CHL1: variants seen among roughly 807,000 people sequenced by gnomAD.
CHL1 encodes neural cell adhesion molecule L1-like protein.
A neutral mutation model predicts 141.9 loss-of-function variants in CHL1; 96 were observed. The ratio of observed to expected loss-of-function variants is 0.68; its 90% confidence interval spans 0.57 to 0.80. CHL1 has a LOEUF of 0.80. Among genes scored for constraint, CHL1 ranks in the 30% least tolerant of loss-of-function variants. The pLI is 0.00. For missense variants in CHL1, 1,820 were observed against 1,457.2 expected (o/e 1.25, Z -4.05); for synonymous variants, 613 against 502.2 (o/e 1.22, Z -2.95).
intron 5 of CHL1, 69 bp from the exon 6 acceptor site, chr3:340,725 A>G (rs1248454536): frequency 1.6e-6 from 2 of 1,277,128 alleles, no homozygotes; most frequent in Middle Eastern, 1.9e-4. Context: ...AAAAGAACAT[A>G]TTAAGATATT....
chr3:371,133 G>C (rs1705573750), intron 15 of CHL1, among the ~76,000 whole-genome samples: 1 of 152,152 alleles, frequency 6.6e-6, no homozygotes, highest in South Asian at 2.1e-4. Context: ...TTGGTCCAGA[G>C]CTGGGTTCAA....
rs1483135656 is a variant in CHL1 at position 382,382 on chromosome 3, T to C, written c.1979-92T>C. 9 of 1,463,630 alleles carry C rather than the reference T, an allele frequency of 6.1e-6. No individual in the cohort carries two copies. The South Asian group carries it at 9.3e-5, about 15-fold the overall frequency. 90.7% of individuals were successfully genotyped at this position (1,463,630 alleles called of 1,614,324 possible). On this transcript the variant is annotated intron_variant, in intron 17 of 27. Coordinates refer to ENST00000256509, the MANE Select transcript of CHL1 (RefSeq NM_006614.4). Reference sequence around the variant, plus strand: ...TTACTGGTTTATTCTTCTTATAACATCCTTTTGAACTTTTAATATTGAGTA... The same window carrying C: ...TTACTGGTTTATTCTTCTTATAACACCCTTTTGAACTTTTAATATTGAGTA...
At chr3:362,588 A>G (rs1221316386) in intron 13 of CHL1, among the ~76,000 whole-genome samples, 4 of 151,680 alleles carry the variant, frequency 2.6e-5, no homozygotes, top group South Asian at 4.2e-4. Flanking sequence ...CCTGTCCTGT[A>G]TGATCCTACA....
chr3:340,158 C>T (rs921211754), intron 5 of CHL1, among the ~76,000 whole-genome samples: 2 of 152,084 alleles, frequency 1.3e-5, no homozygotes, highest in Non-Finnish European at 2.9e-5. Flanking sequence ...GGGGAGGAAA[C>T]AATAGGTTGA....
intron 2 of CHL1, among the ~76,000 whole-genome samples, chr3:286,623 A>G (rs961139285): frequency 6.6e-6 from 1 of 151,916 alleles, no homozygotes; most frequent in Non-Finnish European, 1.5e-5. Flanking sequence ...AAAAAAAAAA[A>G]AAAAATTAAA....
At chr3:223,819 A>G (rs1254360587) in intron 1 of CHL1, among the ~76,000 whole-genome samples, 2 of 152,126 alleles carry the variant, frequency 1.3e-5, no homozygotes, top group African/African-American at 4.8e-5. Flanking sequence ...GGAAATGCTG[A>G]TAGGTTGGGG....
chr3:243,738 A>G (rs760592590), intron 1 of CHL1, among the ~76,000 whole-genome samples: 2 of 152,144 alleles, frequency 1.3e-5, no homozygotes, highest in Non-Finnish European at 2.9e-5. Flanking sequence ...TCCTTTTCTT[A>G]GGGCCAAAGA....
intron 1 of CHL1, among the ~76,000 whole-genome samples, chr3:199,118 G>A (rs1410687868): frequency 6.6e-6 from 1 of 152,254 alleles, no homozygotes; most frequent in Non-Finnish European, 1.5e-5. Context: ...CGTGGTTACA[G>A]AGCCTATGTA....
intron 26 of CHL1, among the ~76,000 whole-genome samples, chr3:400,196 A>T (rs116532213): frequency 0.01 from 1,524 of 152,348 alleles, 13 homozygotes; most frequent in Middle Eastern, 0.031. Flanking sequence ...TGATTTATCT[A>T]GCAAATATTT....
At chr3:353,370 A>G (rs111925492) in intron 10 of CHL1, among the ~76,000 whole-genome samples, 196 of 152,346 alleles carry the variant, frequency 1.3e-3, no homozygotes, top group African/African-American at 3.1e-3. Context: ...AAGTAAGGAT[A>G]TCATTAAAAA....
chr3:220,054 G>C (rs1337992681), intron 1 of CHL1, among the ~76,000 whole-genome samples: 2 of 152,110 alleles, frequency 1.3e-5, no homozygotes, highest in Non-Finnish European at 2.9e-5. Context: ...CATTATGCTA[G>C]GTGAAAGAAA....
At chr3:365,804 T>G (rs888096324) in intron 14 of CHL1, 146 bp from the exon 15 acceptor site, 78 of 588,146 alleles carry the variant, frequency 1.3e-4, no homozygotes, top group Non-Finnish European at 4.3e-5. Flanking sequence ...AATAATGACA[T>G]ACAATGTTAG....
chr3:227,314 GT>G (rs1330361481), intron 1 of CHL1, among the ~76,000 whole-genome samples: 2 of 152,208 alleles, frequency 1.3e-5, no homozygotes, highest in Non-Finnish European at 2.9e-5. Flanking sequence ...GAAATCCAAA[GT>G]TGGGGTCTAG....
At position 225,412 on chromosome 3, in the gene CHL1, T is replaced by C. The variant is rs904563863; in HGVS notation, c.-174-19201T>C. 1.1e-4 allele frequency among the ~76,000 whole-genome samples: 16 copies of C among 152,318 alleles called. 1 individual carries two copies. The East Asian group carries it at 3.1e-3, about 29-fold the overall frequency. On this transcript the variant is annotated intron_variant, in intron 1 of 27. Transcript: ENST00000256509. ...AGAGTTATATAGCATATTTAAACATTTTGAAGTTTGAAAATGCATACAAAT... is the reference window on the plus strand; with the variant it reads ...AGAGTTATATAGCATATTTAAACATCTTGAAGTTTGAAAATGCATACAAAT...
intron 15 of CHL1, among the ~76,000 whole-genome samples, chr3:367,490 A>T (rs1355220003): frequency 6.6e-6 from 1 of 152,212 alleles, no homozygotes; most frequent in African/African-American, 2.4e-5. Context: ...AGTTTGAATT[A>T]AAAGTATTAA....
At chr3:234,794 G>T (rs1222755580) in intron 1 of CHL1, among the ~76,000 whole-genome samples, 1 of 152,100 alleles carries the variant, frequency 6.6e-6, no homozygotes, top group East Asian at 1.9e-4. Context: ...TGCCTTGAGT[G>T]CAGTGCCAGA....
chr3:363,174 T>C (rs568867706), intron 13 of CHL1, 43 bp from the exon 14 acceptor site: 3 of 1,563,738 alleles, frequency 1.9e-6, no homozygotes, highest in Non-Finnish European at 2.6e-6. Context: ...GCGTATACAA[T>C]TTTGCCCTAC....
intron 2 of CHL1, among the ~76,000 whole-genome samples, chr3:313,551 C>G (rs912679774): frequency 6.6e-6 from 1 of 151,934 alleles, no homozygotes; most frequent in Non-Finnish European, 1.5e-5. Context: ...GACATCATGA[C>G]TGTTAGGTGA....
At chr3:236,863 A>T (rs868167005) in intron 1 of CHL1, among the ~76,000 whole-genome samples, 4 of 142,158 alleles carry the variant, frequency 2.8e-5, no homozygotes, top group East Asian at 4.0e-4. Context: ...GAGAGTTTTT[A>T]AAAAATAATC....
Sources: allele counts gnomAD v4.1 joint callset (sites outside exome capture counted in the v4.1 genomes callset), GRCh38; gene constraint gnomAD v4.1.1; transcripts MANE v1.5; gene names NCBI Gene and HGNC (gene_info 2026-07-23, HGNC 2026-07-21).